The following ROBO2 variants were observed in gnomAD, a reference collection of about 807,000 sequenced individuals.
ROBO2 encodes roundabout homolog 2.
ROBO2 carries 53 observed loss-of-function variants against 160.8 expected under a neutral mutation model. The observed-to-expected ratio is 0.33, with a 90% CI of 0.26 to 0.41. The LOEUF is 0.41. ROBO2 is among the 10% of genes least tolerant of loss of function. The pLI, the probability that ROBO2 is intolerant of heterozygous loss-of-function variation, is 1.00. For synonymous variants in ROBO2, 664 were observed against 611.7 expected (o/e 1.09, Z -1.26); for missense variants, 1,577 against 1,722.4 (o/e 0.92, Z 1.49).
chr3:76,990,247 C>G (rs1289020911), intron 2 of ROBO2, among the ~76,000 whole-genome samples: 1 of 152,150 alleles, frequency 6.6e-6, no homozygotes, highest in African/African-American at 2.4e-5. Flanking sequence ...CTTAGCTGGT[C>G]TTTCTTCAAC....
chr3:76,360,446 C>CA (rs1259007394), intron 2 of ROBO2, among the ~76,000 whole-genome samples: 4 of 151,650 alleles, frequency 2.6e-5, no homozygotes, highest in African/African-American at 9.7e-5. Flanking sequence ...ACTTTGGATA[C>CA]AAAAAAGAAA....
intron 2 of ROBO2, among the ~76,000 whole-genome samples, chr3:76,927,520 G>A (rs972229764): frequency 6.6e-6 from 1 of 152,114 alleles, no homozygotes; most frequent in Non-Finnish European, 1.5e-5. Flanking sequence ...TTAGGACAAA[G>A]TCTATAAATA....
intron 2 of ROBO2, among the ~76,000 whole-genome samples, chr3:76,025,883 G>T (rs567933488): frequency 1.3e-5 from 2 of 151,916 alleles, no homozygotes; most frequent in East Asian, 3.9e-4. Context: ...CTATGCTAAT[G>T]ATGGCCAAAT....
chr3:75,929,620 A>C (rs1947447306), intron 1 of ROBO2, among the ~76,000 whole-genome samples: 1 of 151,968 alleles, frequency 6.6e-6, no homozygotes, highest in Non-Finnish European at 1.5e-5. Context: ...TGTTCCTTTG[A>C]AACTCAAACC....
At chr3:77,495,732 CA>C (rs1435692820) in intron 5 of ROBO2, among the ~76,000 whole-genome samples, 6 of 152,156 alleles carry the variant, frequency 3.9e-5, no homozygotes, top group African/African-American at 7.2e-5. Flanking sequence ...CACATTGTAT[CA>C]GGGGGCACAT....
At position 77,566,868 on chromosome 3, in the gene ROBO2, A is replaced by T. The variant is rs115849717; in HGVS notation, c.1850-1445A>T. 6.2e-3 allele frequency among the ~76,000 whole-genome samples: 951 copies of T among 152,192 alleles called. 4 individuals carry two copies. Among genetic ancestry groups the T allele is most frequent in the Non-Finnish European group, 0.011 (720 of 67,972 alleles). On this transcript the variant is annotated intron_variant, in intron 12 of 25. Coordinates refer to ENST00000461745, the Ensembl canonical transcript of ROBO2. ...TCAGCAGCTTTGCAATCTGCAAAGC[A>T]TTTCTTTTTCAAAGAACACTTTGCA... is the stretch of plus-strand genomic sequence containing the variant.
intron 2 of ROBO2, among the ~76,000 whole-genome samples, chr3:76,850,255 T>C (rs2069205605): frequency 6.6e-6 from 1 of 152,160 alleles, no homozygotes; most frequent in South Asian, 2.1e-4. Context: ...ATAGCTACAC[T>C]TCATCTTCTC....
chr3:76,417,458 TAC>T (rs1010992976), intron 2 of ROBO2, among the ~76,000 whole-genome samples: 16 of 152,318 alleles, frequency 1.1e-4, no homozygotes, highest in African/African-American at 3.8e-4. Flanking sequence ...CTCTGCTAGT[TAC>T]AGAGTTAAAA....
intron 2 of ROBO2, among the ~76,000 whole-genome samples, chr3:76,351,789 T>C (rs1211495702): frequency 6.6e-6 from 1 of 151,982 alleles, no homozygotes; most frequent in Non-Finnish European, 1.5e-5. Context: ...CTACCTACTA[T>C]TAACTATGTG....
chr3:76,025,217 T>C (rs614809), intron 2 of ROBO2, among the ~76,000 whole-genome samples: 149,640 of 151,588 alleles, frequency 0.99, 73,900 homozygotes, highest in East Asian at 1. Flanking sequence ...TGTTATTGTT[T>C]TTTTATAATC....
At chr3:76,368,149 A>G (rs917259556) in intron 2 of ROBO2, among the ~76,000 whole-genome samples, 2 of 151,952 alleles carry the variant, frequency 1.3e-5, no homozygotes, top group African/African-American at 4.8e-5. Flanking sequence ...TAAGGTGTAT[A>G]ATTACCAATA....
chr3:76,147,581 G>C (rs2071966029), intron 2 of ROBO2, among the ~76,000 whole-genome samples: 1 of 151,988 alleles, frequency 6.6e-6, no homozygotes, highest in African/African-American at 2.4e-5. Context: ...AAGTACTTAA[G>C]TTTGCAGCCT....
chr3:77,219,333 C>T (rs2085409618), intron 2 of ROBO2, among the ~76,000 whole-genome samples: 1 of 150,712 alleles, frequency 6.6e-6, no homozygotes, highest in Non-Finnish European at 1.5e-5. Context: ...TAGTAGTTCT[C>T]CTTCTTTTGC....
chr3:76,585,062 T>C (rs566405094), intron 2 of ROBO2, among the ~76,000 whole-genome samples: 5 of 152,266 alleles, frequency 3.3e-5, no homozygotes, highest in African/African-American at 1.2e-4. Flanking sequence ...AAAACAATAA[T>C]GAAAATAATA....
intron 2 of ROBO2, among the ~76,000 whole-genome samples, chr3:76,322,163 C>A (rs35868147): frequency 0.2 from 7,985 of 39,706 alleles, 366 homozygotes; most frequent in African/African-American, 0.33. Context: ...CTACTTCTTC[C>A]GTATATATAT....
intron 2 of ROBO2, among the ~76,000 whole-genome samples, chr3:76,732,273 G>A (rs1394393513): frequency 1.3e-5 from 2 of 152,160 alleles, no homozygotes; most frequent in Non-Finnish European, 2.9e-5. Flanking sequence ...TGGTGCATAT[G>A]TTGATGTGGC....
intron 1 of ROBO2, among the ~76,000 whole-genome samples, chr3:77,041,050 T>C (rs2064038341): frequency 1.3e-5 from 2 of 152,356 alleles, no homozygotes; most frequent in South Asian, 2.1e-4. Flanking sequence ...GTGTTGGTAG[T>C]CACCTATTGT....
intron 2 of ROBO2, among the ~76,000 whole-genome samples, chr3:76,363,004 T>C (rs2108405570): frequency 6.6e-6 from 1 of 152,236 alleles, no homozygotes; most frequent in Non-Finnish European, 1.5e-5. Flanking sequence ...GTTTCTTTTT[T>C]ACAGCCTGCC....
chr3:77,126,108 T>C (rs909950095), intron 2 of ROBO2, among the ~76,000 whole-genome samples: 2 of 152,224 alleles, frequency 1.3e-5, no homozygotes, highest in African/African-American at 4.8e-5. Flanking sequence ...TACATTCTAA[T>C]TGAAAGATTG....
Sources: allele counts gnomAD v4.1 joint callset (sites outside exome capture counted in the v4.1 genomes callset), GRCh38; gene constraint gnomAD v4.1.1; transcripts MANE v1.5; gene names NCBI Gene and HGNC (gene_info 2026-07-23, HGNC 2026-07-21).